Variants in WDR31 observed in about 807,000 individuals in gnomAD.
WDR31 encodes the protein WD repeat domain 31.
A neutral mutation model predicts 47.3 loss-of-function variants in WDR31; 30 were observed. The observed-to-expected ratio is 0.63, with a 90% CI of 0.47 to 0.86. WDR31 has a LOEUF of 0.86. Among genes scored for constraint, WDR31 ranks in the 40% least tolerant of loss-of-function variants. WDR31 has a pLI of 0.00. For synonymous variants in WDR31, 137 were observed against 159.4 expected (o/e 0.86, Z 1.06); for missense variants, 406 against 442.9 (o/e 0.92, Z 0.75).
chr9:113,317,033 C>T (rs1432749563), intron 10 of WDR31, 124 bp from the exon 11 acceptor site: 2 of 1,150,664 alleles, frequency 1.7e-6, no homozygotes, highest in South Asian at 2.0e-5. Context: ...ATGAGAGAGA[C>T]CCCACTTCTT....
At chr9:113,331,820 A>G in intron 3 of WDR31, 87 bp downstream of exon 3, 1 of 1,245,804 alleles carries the variant, frequency 8.0e-7, no homozygotes, top group Non-Finnish European at 1.2e-6. Context: ...AAGGCCATCA[A>G]CATTCGCCCT....
intron 7 of WDR31, among the ~76,000 whole-genome samples, chr9:113,321,968 G>C (rs1833335258): frequency 6.6e-6 from 1 of 152,108 alleles, no homozygotes; most frequent in Admixed American, 6.6e-5. Flanking sequence ...TGCTGGATAG[G>C]CATAAAATAG....
intron 7 of WDR31, among the ~76,000 whole-genome samples, chr9:113,321,801 C>T (rs1833332308): frequency 1.3e-5 from 2 of 152,086 alleles, no homozygotes; most frequent in South Asian, 2.1e-4. Context: ...GTTGTGAGCA[C>T]CAAAATACAT....
chr9:113,328,369 C>A lies in WDR31; in HGVS notation c.324+512G>T, dbSNP rs190558806. Among the ~76,000 whole-genome samples the A allele has an allele frequency of 2.7e-3, 416 of 152,250 alleles. 2 individuals carry two copies. Among genetic ancestry groups the A allele is most frequent in the Non-Finnish European group, 4.9e-3 (331 of 68,020 alleles). On this transcript the variant is annotated intron_variant, in intron 5 of 10. Transcript: ENST00000374193. The stretch of plus-strand genomic sequence containing the variant: ...GAAGTGTGTATCTTAATTTTTGGTT[C>A]ATTTAGGCGGACTTCAGAGCGGGGA...
Position 113,313,538 on chromosome 9 carries a change from T to C in WDR31, c.*3211A>G, listed in dbSNP as rs1833121574. Reference sequence around the variant, plus strand: ...GGTCTTGAAGATACAAACAATGTCATGGTCTATGACTTTGTGACACGATGC... The same window carrying C: ...GGTCTTGAAGATACAAACAATGTCACGGTCTATGACTTTGTGACACGATGC... On this transcript the variant is annotated 3_prime_UTR_variant, in exon 11 of 11. Transcript: ENST00000374193. 6.6e-6 allele frequency: 1 copy of C among 152,234 alleles called. No homozygotes were observed. The highest frequency in any genetic ancestry group is 6.5e-5 in the Admixed American group (1 of 15,278). The allele number at this position is 152,234 out of a possible 1,614,324, so 9.4% of individuals were successfully genotyped here.
chr9:113,324,985 G>T (rs907530611), intron 5 of WDR31, among the ~76,000 whole-genome samples: 1 of 151,726 alleles, frequency 6.6e-6, no homozygotes, highest in Non-Finnish European at 1.5e-5. Flanking sequence ...TCACTCTGTC[G>T]CCCAGGCTGG....
intron 2 of WDR31, 47 bp from the exon 3 acceptor site, chr9:113,332,097 A>G (rs1833611913): frequency 7.6e-7 from 1 of 1,318,034 alleles, no homozygotes. Context: ...TGTTAGGCAC[A>G]ATAGTATGAT....
chr9:113,339,112 G>A (rs1833776511), intron 1 of WDR31, among the ~76,000 whole-genome samples: 1 of 152,186 alleles, frequency 6.6e-6, no homozygotes, highest in South Asian at 2.1e-4. Context: ...CCAGGCCTCG[G>A]TCTGAATCCC....
At position 113,320,393 on chromosome 9, in the gene WDR31, G is replaced by A. The variant is rs781134453; in HGVS notation, c.744C>T (p.Cys248=). The A allele has an allele frequency of 1.7e-5, 27 of 1,614,102 alleles. No individual in the cohort carries two copies. Among genetic ancestry groups the A allele is most frequent in the Non-Finnish European group, 2.1e-5 (25 of 1,180,026 alleles). ...VSVDGHKCIS[C]SNGFGGEGCE... is the part of the protein sequence containing the mutation. ...AGCCTTCTCCTCCAAAGCCATTGCT[G>A]CAGGAGATACACTTGTGTCCATCCA... The change falls in exon 9 of 11, where the codon TGC becomes TGT. Residue 248 remains cysteine, a synonymous_variant. Transcript: ENST00000374193.
At chr9:113,331,753 G>A (rs570461423) in intron 3 of WDR31, among the ~76,000 whole-genome samples, 154 bp downstream of exon 3, 1 of 152,172 alleles carries the variant, frequency 6.6e-6, no homozygotes, top group Admixed American at 6.5e-5. Flanking sequence ...AGCCCTGACT[G>A]TTTCTTATCC....
At position 113,320,345 on chromosome 9, in the gene WDR31, A is replaced by G; in HGVS notation, c.780+12T>C. The G allele has an allele frequency of 6.2e-7, 1 of 1,613,598 alleles. No individual in the cohort carries two copies. Among genetic ancestry groups the G allele is most frequent in the Non-Finnish European group, 8.5e-7 (1 of 1,179,700 alleles). On this transcript the variant is annotated intron_variant, in intron 9 of 10. Coordinates refer to ENST00000374193, the MANE Select transcript of WDR31 (RefSeq NM_001012361.4). ...CAGCAACCAGATACCTGGACCTCAC[A>G]CAGTCTCCTACCGTGGCTTCACAGC...
intron 1 of WDR31, among the ~76,000 whole-genome samples, chr9:113,338,493 A>T (rs535491703): frequency 9.8e-5 from 15 of 152,298 alleles, no homozygotes; most frequent in African/African-American, 3.6e-4. Context: ...AGGAGGTATA[A>T]TTTCTGGTTC....
At chr9:113,321,978 G>C (rs1833335358) in intron 7 of WDR31, among the ~76,000 whole-genome samples, 1 of 152,108 alleles carries the variant, frequency 6.6e-6, no homozygotes, top group Non-Finnish European at 1.5e-5. Flanking sequence ...GCATAAAATA[G>C]TTTCCAAAAT....
chr9:113,330,869 A>G, intron 4 of WDR31, 115 bp downstream of exon 4: 1 of 1,203,198 alleles, frequency 8.3e-7, no homozygotes, highest in Non-Finnish European at 1.1e-6. Context: ...CTCTAAAGCC[A>G]ATATTTTTAC....
At chr9:113,322,780 G>C in intron 7 of WDR31, 31 bp downstream of exon 7, 1 of 1,608,498 alleles carries the variant, frequency 6.2e-7, no homozygotes, top group South Asian at 1.1e-5. Context: ...CCTTTCTGCT[G>C]CCCTGTTCTG....
intron 4 of WDR31, 82 bp downstream of exon 4, chr9:113,330,902 A>G (rs531454689): frequency 1.4e-5 from 20 of 1,451,890 alleles, no homozygotes; most frequent in Non-Finnish European, 1.9e-5. Flanking sequence ...TGCTCCAGAA[A>G]TGCAAATCCT....
chr9:113,333,825 C>T (rs190892725), intron 2 of WDR31, among the ~76,000 whole-genome samples: 1 of 152,018 alleles, frequency 6.6e-6, no homozygotes, highest in African/African-American at 2.4e-5. Context: ...AAAGTGTGAT[C>T]CATGGAACAT....
At chr9:113,318,997 C>G (rs1391915740) in intron 9 of WDR31, among the ~76,000 whole-genome samples, 1 of 152,208 alleles carries the variant, frequency 6.6e-6, no homozygotes, top group Non-Finnish European at 1.5e-5. Flanking sequence ...GGGTTGTTTG[C>G]TTTCATGGCA....
intron 2 of WDR31, among the ~76,000 whole-genome samples, chr9:113,332,566 T>A (rs1172380283): frequency 6.6e-6 from 1 of 152,214 alleles, no homozygotes; most frequent in Non-Finnish European, 1.5e-5. Context: ...CAGTTCATAT[T>A]CTATGTATGC....
Sources: gnomAD v4.1 joint callset for allele counts (sites outside exome capture counted in the v4.1 genomes callset) on GRCh38, gnomAD v4.1.1 for gene constraint, MANE v1.5 for transcripts, NCBI Gene and HGNC (gene_info 2026-07-23, HGNC 2026-07-21) for gene names.